The following PTPRG variants were observed in gnomAD, a reference collection of about 807,000 sequenced individuals.
PTPRG encodes protein tyrosine phosphatase receptor type G, also known as receptor-type tyrosine-protein phosphatase gamma.
PTPRG carries 102 observed loss-of-function variants against 165.3 expected under a neutral mutation model. That is an observed-to-expected ratio of 0.62 (90% CI 0.53 to 0.73). The LOEUF (loss-of-function observed/expected upper bound fraction) is 0.73, where lower values mean the gene tolerates loss of function less well. PTPRG is among the 30% of genes least tolerant of loss of function. PTPRG has a pLI of 0.00. For synonymous variants in PTPRG, 675 were observed against 669.5 expected (o/e 1.01, Z -0.13); for missense variants, 1,866 against 1,861.4 (o/e 1.00, Z -0.05).
chr3:61,950,559 G>A (rs113078413), intron 2 of PTPRG, among the ~76,000 whole-genome samples: 1,606 of 150,218 alleles, frequency 0.011, 29 homozygotes, highest in African/African-American at 0.038. Flanking sequence ...TGCCTTAAAT[G>A]GTTTTTTTTT....
intron 2 of PTPRG, among the ~76,000 whole-genome samples, chr3:61,903,360 G>A (rs1378687502): frequency 2.0e-5 from 3 of 152,086 alleles, no homozygotes; most frequent in Non-Finnish European, 4.4e-5. Context: ...CAGTCACGTG[G>A]CTATTGGCTT....
chr3:61,745,463 TTCATACGCCA>T (rs2033162298), intron 1 of PTPRG, among the ~76,000 whole-genome samples: 1 of 152,182 alleles, frequency 6.6e-6, no homozygotes. Context: ...CTTAGAGCCC[TTCATACGCCA>T]TGCAGCATGT....
chr3:62,062,670 T>C (rs1352216117), intron 4 of PTPRG, among the ~76,000 whole-genome samples: 2 of 86,844 alleles, frequency 2.3e-5, no homozygotes, highest in Admixed American at 9.8e-5. Context: ...ATAGATTTTA[T>C]GGCATTGTTT....
intron 4 of PTPRG, among the ~76,000 whole-genome samples, chr3:62,069,332 A>T (rs180885025): frequency 6.6e-6 from 1 of 152,318 alleles, no homozygotes; most frequent in Admixed American, 6.5e-5. Flanking sequence ...CTTATTCTAT[A>T]GCAAATACTC....
At chr3:61,671,642 A>G (rs1359138345) in intron 1 of PTPRG, among the ~76,000 whole-genome samples, 1 of 148,726 alleles carries the variant, frequency 6.7e-6, no homozygotes, top group Non-Finnish European at 1.5e-5. Context: ...CCCGTTCTCA[A>G]TGAGCTGTTG....
chr3:61,903,228 G>A (rs1171356676), intron 2 of PTPRG, among the ~76,000 whole-genome samples: 1 of 152,140 alleles, frequency 6.6e-6, no homozygotes, highest in Non-Finnish European at 1.5e-5. Flanking sequence ...ATGAGCTGCT[G>A]CTCTCCTGAT....
intron 15 of PTPRG, among the ~76,000 whole-genome samples, chr3:62,251,149 G>A (rs1701405093): frequency 6.6e-6 from 1 of 152,154 alleles, no homozygotes; most frequent in Non-Finnish European, 1.5e-5. Flanking sequence ...TCAGTGCTTT[G>A]GGAGGCAGAG....
At position 61,846,203 on chromosome 3, in the gene PTPRG, C is replaced by G. The variant is rs552754662; in HGVS notation, c.190+97221C>G. Among the ~76,000 whole-genome samples, 3 of 152,220 alleles carry G rather than the reference C, an allele frequency of 2.0e-5. No individual in the cohort carries two copies. In the South Asian group the frequency reaches 6.2e-4, roughly 32 times the overall value. Reference sequence around the variant, plus strand: ...ATTTGCTGTATTTTATTATTTATACCTGTAATTTAAAAGAGACAATTATTG... The same window carrying G: ...ATTTGCTGTATTTTATTATTTATACGTGTAATTTAAAAGAGACAATTATTG... On this transcript the variant is annotated intron_variant, in intron 2 of 29. Coordinates refer to ENST00000474889, the MANE Select transcript of PTPRG (RefSeq NM_002841.4).
chr3:61,700,167 T>A lies in PTPRG; in HGVS notation c.86-48711T>A, dbSNP rs141220012. Among the ~76,000 whole-genome samples, 386 of 152,310 alleles carry A rather than the reference T, an allele frequency of 2.5e-3. 1 individual carries two copies. The highest frequency in any genetic ancestry group is 8.9e-3 in the African/African-American group (370 of 41,578). On this transcript the variant is annotated intron_variant, in intron 1 of 29. Transcript: ENST00000474889. ...TCTGTACCCCCTAAGGATTGCCATA[T>A]GCTGCTAAAACTTGGCTTTTCAACC...
At chr3:62,063,897 T>C (rs1700908409) in intron 4 of PTPRG, among the ~76,000 whole-genome samples, 2 of 152,134 alleles carry the variant, frequency 1.3e-5, no homozygotes, top group South Asian at 4.1e-4. Flanking sequence ...GAAGAGTGAA[T>C]TGTGTTACAG....
intron 2 of PTPRG, among the ~76,000 whole-genome samples, chr3:61,924,982 A>T (rs549966826): frequency 6.6e-6 from 1 of 152,226 alleles, no homozygotes; most frequent in Non-Finnish European, 1.5e-5. Flanking sequence ...TCTGCAAGCC[A>T]GGAAGGTTAT....
In PTPRG at chr3:62,269,046, T is replaced by A. The variant is rs1701975720; in HGVS notation, c.2886T>A (p.Asp962Glu). 6.4e-7 allele frequency: 1 copy of A among 1,559,796 alleles called. No homozygotes were observed. Among genetic ancestry groups the A allele is most frequent in the African/African-American group, 1.4e-5 (1 of 73,830 alleles). Residue 962 changes from aspartate to glutamate, a missense_variant, in exon 20 of 30, where the codon GAT becomes GAA. This residue lies in a region of PTPRG where 1,452 missense variants were observed against 1,463.0 expected (regional missense o/e 0.99). Transcript: ENST00000474889. ...TTTTCTTTCTGCAGCGAAAATGTGA[T>A]CAGTATTGGCCAACAGAGAACAGTG... ...NLVEKGRRKC[D>E]QYWPTENSEE...
chr3:61,987,839 C>T (rs557147061), intron 2 of PTPRG, among the ~76,000 whole-genome samples: 18 of 152,152 alleles, frequency 1.2e-4, no homozygotes, highest in South Asian at 1.0e-3. Context: ...ACGTCTCGTT[C>T]GTCTCCTTTT....
chr3:62,005,360 T>C (rs112147868), intron 4 of PTPRG, among the ~76,000 whole-genome samples: 4 of 152,338 alleles, frequency 2.6e-5, no homozygotes, highest in African/African-American at 9.6e-5. Context: ...TTACATCATG[T>C]TCTTAAGTGT....
At chr3:62,017,337 A>C (rs1261185237) in intron 4 of PTPRG, among the ~76,000 whole-genome samples, 4 of 152,208 alleles carry the variant, frequency 2.6e-5, no homozygotes, top group Non-Finnish European at 4.4e-5. Flanking sequence ...AGCCCAGTAA[A>C]TTAGTTACTC....
At chr3:61,859,492 C>A (rs1339964315) in intron 2 of PTPRG, among the ~76,000 whole-genome samples, 1 of 152,084 alleles carries the variant, frequency 6.6e-6, no homozygotes, top group Non-Finnish European at 1.5e-5. Flanking sequence ...ATGCCTCTGT[C>A]CCCCTTTTGT....
chr3:61,911,128 A>G (rs1181904473), intron 2 of PTPRG, among the ~76,000 whole-genome samples: 4 of 152,114 alleles, frequency 2.6e-5, no homozygotes, highest in Non-Finnish European at 5.9e-5. Flanking sequence ...CCTCTCTCCT[A>G]TGACAACCTC....
chr3:61,786,727 A>T (rs2034716362), intron 2 of PTPRG, among the ~76,000 whole-genome samples: 1 of 151,438 alleles, frequency 6.6e-6, no homozygotes, highest in African/African-American at 2.4e-5. Context: ...CAGAAATGAC[A>T]TATGTCTATC....
intron 4 of PTPRG, among the ~76,000 whole-genome samples, chr3:62,053,811 A>G (rs1271954255): frequency 2.6e-5 from 4 of 152,170 alleles, no homozygotes; most frequent in African/African-American, 7.2e-5. Context: ...GAGAGCATTT[A>G]GAGTTACGAG....
Sources: gnomAD v4.1 joint callset for allele counts (sites outside exome capture counted in the v4.1 genomes callset) on GRCh38, gnomAD v4.1.1 for gene constraint, gnomAD v4.1.1 regional missense constraint, MANE v1.5 for transcripts, NCBI Gene and HGNC (gene_info 2026-07-23, HGNC 2026-07-21) for gene names.